Variants in P2RY14 observed in about 807,000 individuals in gnomAD.
P2RY14 encodes purinergic receptor P2Y14, also known as P2Y purinoceptor 14.
P2RY14 carries 2 observed loss-of-function variants against 0.9 expected under a neutral mutation model. The ratio of observed to expected loss-of-function variants is 2.16; its 90% CI spans 0.88 to 6.79. P2RY14 has a LOEUF of 6.79. Ranked by LOEUF, P2RY14 falls within the 30% of genes most tolerant of loss-of-function variation. The pLI is 0.05. For synonymous variants in P2RY14, 158 were observed against 147.2 expected (o/e 1.07, Z -0.53); for missense variants, 378 against 400.1 (o/e 0.94, Z 0.47).
chr3:151,242,254 A>C (rs1327992595), intron 1 of P2RY14, among the ~76,000 whole-genome samples: 1 of 152,252 alleles, frequency 6.6e-6, no homozygotes, highest in African/African-American at 2.4e-5. Context: ...GGGAAGCTCA[A>C]ACTGGGCGGA....
chr3:151,235,349 A>G (rs1207679285), intron 1 of P2RY14, among the ~76,000 whole-genome samples: 1 of 152,134 alleles, frequency 6.6e-6, no homozygotes, highest in Admixed American at 6.5e-5. Flanking sequence ...GAGTAGCAGG[A>G]ATGTTCAGGT....
intron 1 of P2RY14, among the ~76,000 whole-genome samples, chr3:151,230,715 TA>T (rs1005092660): frequency 3.3e-5 from 5 of 151,906 alleles, no homozygotes; most frequent in Non-Finnish European, 2.9e-5. Context: ...AAGTCCTTAA[TA>T]AAAAAAAGTA....
At chr3:151,264,654 A>T (rs753931478) in intron 1 of P2RY14, among the ~76,000 whole-genome samples, 9 of 152,250 alleles carry the variant, frequency 5.9e-5, no homozygotes, top group Non-Finnish European at 1.0e-4. Flanking sequence ...TGCTGGGAGC[A>T]GGAGCCTCCT....
intron 1 of P2RY14, among the ~76,000 whole-genome samples, chr3:151,239,512 A>G (rs1480108142): frequency 6.6e-6 from 1 of 152,274 alleles, no homozygotes; most frequent in Non-Finnish European, 1.5e-5. Flanking sequence ...GCAAAAATGT[A>G]GAATAACATG....
intron 2 of P2RY14, among the ~76,000 whole-genome samples, chr3:151,215,752 C>T (rs1728091024): frequency 6.6e-6 from 1 of 152,174 alleles, no homozygotes; most frequent in South Asian, 2.1e-4. Context: ...TCTGTCCTTG[C>T]CCTCAGGAGA....
intron 1 of P2RY14, among the ~76,000 whole-genome samples, chr3:151,245,855 G>A (rs1453834795): frequency 6.6e-6 from 1 of 151,410 alleles, no homozygotes; most frequent in Non-Finnish European, 1.5e-5. Context: ...CGACATGATT[G>A]TATATCTAGA....
chr3:151,213,929 A>C lies in P2RY14; in HGVS notation c.388T>G (p.Ser130Ala), dbSNP rs746143464. ...CTGTAACTCACTGACTGGATGAAAG[A>C]AGTCCAAAGAGGCTTTACAATTTTA... The part of the protein sequence containing the change: ...YYKIVKPLWT[S>A]FIQSVSYSKL... Residue 130 changes from serine (S) to alanine (A), a missense_variant, in exon 3 of 3, where the codon TCT (serine) becomes GCT (alanine). Coordinates refer to ENST00000309170, the MANE Select transcript of P2RY14 (RefSeq NM_014879.4). 1 of 1,614,188 alleles carries C rather than the reference A, an allele frequency of 6.2e-7. No homozygotes were observed. Among genetic ancestry groups the C allele is most frequent in the South Asian group, 1.1e-5 (1 of 91,088 alleles).
At chr3:151,255,230 G>T (rs1335294854) in intron 1 of P2RY14, among the ~76,000 whole-genome samples, 1 of 152,168 alleles carries the variant, frequency 6.6e-6, no homozygotes, top group Non-Finnish European at 1.5e-5. Context: ...AACAGGGGAT[G>T]TGAGAGGGAT....
At chr3:151,248,253 ACCT>A (rs1736137138) in intron 1 of P2RY14, among the ~76,000 whole-genome samples, 1 of 151,982 alleles carries the variant, frequency 6.6e-6, no homozygotes, top group African/African-American at 2.4e-5. Context: ...CAACTATGAG[ACCT>A]ATTTAATTCC....
chr3:151,274,310 G>A (rs1410116197), intron 1 of P2RY14, among the ~76,000 whole-genome samples: 1 of 152,194 alleles, frequency 6.6e-6, no homozygotes, highest in African/African-American at 2.4e-5. Context: ...AAGGACAGCT[G>A]CTGTGTATCA....
intron 1 of P2RY14, among the ~76,000 whole-genome samples, chr3:151,234,940 A>G (rs960959945): frequency 6.6e-6 from 1 of 152,218 alleles, no homozygotes; most frequent in Non-Finnish European, 1.5e-5. Context: ...CAAACGTTCC[A>G]GCGAACTTTC....
At chr3:151,234,344 G>A (rs560317470) in intron 1 of P2RY14, among the ~76,000 whole-genome samples, 1 of 152,336 alleles carries the variant, frequency 6.6e-6, no homozygotes, top group African/African-American at 2.4e-5. Flanking sequence ...ACAAAGCCTA[G>A]AGAGCTTGAA....
intron 1 of P2RY14, among the ~76,000 whole-genome samples, chr3:151,250,039 G>T (rs529239662): frequency 6.6e-6 from 1 of 152,092 alleles, no homozygotes; most frequent in Non-Finnish European, 1.5e-5. Flanking sequence ...TCCCTTAAAT[G>T]TGAATCCTCT....
intron 1 of P2RY14, among the ~76,000 whole-genome samples, chr3:151,237,956 G>A (rs1271975390): frequency 2.0e-5 from 3 of 151,942 alleles, no homozygotes; most frequent in African/African-American, 7.3e-5. Context: ...TTTGTTTGGT[G>A]TCTCTACTAT....
chr3:151,230,544 C>G lies in P2RY14; in HGVS notation c.-132-10902G>C, dbSNP rs373643514. ...GACATCCTTGGACTGTGAAACGTGC[C>G]AGGACTAGTTTTGTTTTACTCCACG... On this transcript the variant is annotated intron_variant, in intron 1 of 2. Transcript: ENST00000309170. 7.9e-5 allele frequency among the ~76,000 whole-genome samples: 12 copies of G among 151,388 alleles called. No individual in the cohort carries two copies. The East Asian group carries it at 1.7e-3, about 22-fold the overall frequency.
chr3:151,245,421 A>G (rs1335046611), intron 1 of P2RY14, among the ~76,000 whole-genome samples: 2 of 148,450 alleles, frequency 1.3e-5, no homozygotes, highest in Non-Finnish European at 3.0e-5. Flanking sequence ...CTTATCCACC[A>G]TGATCAAGTG....
Position 151,214,141 on chromosome 3 carries a change from T to G in P2RY14, c.176A>C (p.Tyr59Ser), listed in dbSNP as rs1727713064. 1 of 1,613,984 alleles carries G rather than the reference T, an allele frequency of 6.2e-7. No individual in the cohort carries two copies. The highest frequency in any genetic ancestry group is 1.3e-5 in the African/African-American group (1 of 74,906). Residue 59 changes from tyrosine (Y) to serine (S), a missense_variant, in exon 3 of 3, where the codon TAT becomes TCT. Coordinates refer to ENST00000309170, the MANE Select transcript of P2RY14 (RefSeq NM_014879.4). ...YVPSSKSFII[Y>S]LKNIVIADFV... is the part of the protein sequence containing the mutation. ...GTCAGCAATAACAATGTTCTTGAGA[T>G]AGATGATGAAACTCTTAGAGCTGGG...
chr3:151,269,258 G>A (rs1320813473), intron 1 of P2RY14, among the ~76,000 whole-genome samples: 1 of 152,082 alleles, frequency 6.6e-6, no homozygotes, highest in African/African-American at 2.4e-5. Flanking sequence ...AAATTAGCCA[G>A]GTGTGGTGGT....
intron 1 of P2RY14, among the ~76,000 whole-genome samples, chr3:151,274,019 T>A (rs1243612022): frequency 6.6e-6 from 1 of 152,180 alleles, no homozygotes; most frequent in Non-Finnish European, 1.5e-5. Flanking sequence ...ATTTTAAAGT[T>A]CTCACACTAC....
Sources: gnomAD v4.1 joint callset for allele counts (sites outside exome capture counted in the v4.1 genomes callset) on GRCh38, gnomAD v4.1.1 for gene constraint, MANE v1.5 for transcripts, NCBI Gene and HGNC (gene_info 2026-07-23, HGNC 2026-07-21) for gene names.